The following SLC7A13 variants were observed in gnomAD, a reference collection of about 807,000 sequenced individuals.
SLC7A13 encodes solute carrier family 7 member 13, also known as X-amino acid transporter 2.
Under a neutral mutation model 32.0 loss-of-function variants are expected in SLC7A13, and 31 were observed. The ratio of observed to expected loss-of-function variants is 0.97; its 90% CI spans 0.73 to 1.31. The LOEUF (loss-of-function observed/expected upper bound fraction) is 1.31. Among genes scored for constraint, SLC7A13 ranks in the 50% most tolerant of loss-of-function variants. The probability of loss-of-function intolerance (pLI) is 0.00; values close to 1 mark genes in which losing one functional copy is unlikely to be tolerated. For synonymous variants in SLC7A13, 232 were observed against 206.9 expected (o/e 1.12, Z -1.04); for missense variants, 633 against 546.9 (o/e 1.16, Z -1.57).
rs552267697 is a variant in SLC7A13, at chr8:86,217,221, T to A, written c.1179+249A>T. ...TATCTGGTCAAAAGACTCATAATGA[T>A]CTGTCCAACCACCCAGAGAACTATT... On this transcript the variant is annotated intron_variant, in intron 3 of 3. Transcript: ENST00000297524. 1.5e-3 allele frequency among the ~76,000 whole-genome samples: 230 copies of A among 152,268 alleles called. 2 individuals carry two copies. The highest frequency in any genetic ancestry group is 5.3e-3 in the African/African-American group (219 of 41,570).
intron 3 of SLC7A13, among the ~76,000 whole-genome samples, chr8:86,217,041 A>G (rs1480378523): frequency 2.0e-5 from 3 of 152,212 alleles, no homozygotes; most frequent in Non-Finnish European, 4.4e-5. Flanking sequence ...AGTTGAAAAG[A>G]TGTAATTTGC....
intron 1 of SLC7A13, among the ~76,000 whole-genome samples, chr8:86,225,390 G>C (rs556879701): frequency 2.6e-5 from 4 of 152,208 alleles, no homozygotes; most frequent in Non-Finnish European, 4.4e-5. Context: ...TCCAATCCTA[G>C]TGTTTAGCAT....
At chr8:86,214,743 T>A in intron 3 of SLC7A13, 97 bp from the exon 4 acceptor site, 1 of 888,514 alleles carries the variant, frequency 1.1e-6, no homozygotes, top group Non-Finnish European at 1.7e-6. Context: ...ACAAGCTAAT[T>A]AAAGAAAACA....
intron 3 of SLC7A13, 44 bp from the exon 4 acceptor site, chr8:86,214,690 A>G (rs1282644483): frequency 2.9e-6 from 4 of 1,364,452 alleles, no homozygotes; most frequent in Non-Finnish European, 4.1e-6. Flanking sequence ...ATGAACATCC[A>G]TGAATGATAC....
At chr8:86,226,068 C>A (rs1820385161) in intron 1 of SLC7A13, among the ~76,000 whole-genome samples, 1 of 151,994 alleles carries the variant, frequency 6.6e-6, no homozygotes, top group Non-Finnish European at 1.5e-5. Flanking sequence ...ACTGAAATTC[C>A]TCCAACTTTT....
intron 2 of SLC7A13, 58 bp downstream of exon 2, chr8:86,222,914 A>G: frequency 6.8e-7 from 1 of 1,461,128 alleles, no homozygotes; most frequent in South Asian, 1.6e-5. Context: ...TGGTGAAATG[A>G]TAGTTACGTT....
At chr8:86,225,374 C>T (rs1395813118) in intron 1 of SLC7A13, among the ~76,000 whole-genome samples, 2 of 152,100 alleles carry the variant, frequency 1.3e-5, no homozygotes, top group African/African-American at 4.8e-5. Context: ...GTAGGGACAA[C>T]AAAATTCCAA....
In SLC7A13 at chr8:86,214,324, G is replaced by A. The variant is rs16899642; in HGVS notation, c.*89C>T. 21,817 of 731,058 alleles carry A rather than the reference G, an allele frequency of 0.03. 797 individuals are homozygous for A. Among genetic ancestry groups the A allele is most frequent in the African/African-American group, 0.14 (7,868 of 55,944 alleles). The allele number at this position is 731,058 out of a possible 1,614,324, so 45.3% of individuals were successfully genotyped here. A position where few individuals can be genotyped will look rare whatever the true frequency, so the allele number is the denominator to read the frequency against. ...ATATTTACCATAGGAATTTCACCAT[G>A]AATGTTCTATCATATGTTTAACCTT... On this transcript the variant is annotated 3_prime_UTR_variant, in exon 4 of 4. Coordinates refer to ENST00000297524, the MANE Select transcript of SLC7A13 (RefSeq NM_138817.3).
At chr8:86,227,375 TA>T (rs1396162534) in intron 1 of SLC7A13, among the ~76,000 whole-genome samples, 2 of 152,014 alleles carry the variant, frequency 1.3e-5, no homozygotes, top group East Asian at 3.8e-4. Context: ...GAAAAGTCCT[TA>T]AGGGGATGGG....
Position 86,214,636 on chromosome 8 carries a change from G to T in SLC7A13, c.1190C>A (p.Ser397Ter). The stretch of plus-strand genomic sequence containing the variant: ...GATGACTATTGTTGCTAATGGAAAT[G>T]ACAAAAACACCTGAAAAGAGCAAAG... ...NLSIPYKVFLSFPLATIVIDV... is the reference protein window; with the variant it reads ...NLSIPYKVFL Residue 397 changes from serine to a stop codon, truncating the protein, a stop_gained, in exon 4 of 4, where the codon TCA becomes TAA. Transcript: ENST00000297524. LOFTEE classifies it low-confidence loss of function (END_TRUNC). 6.2e-7 allele frequency: 1 copy of T among 1,604,618 alleles called. No homozygotes were observed. The highest frequency in any genetic ancestry group is 1.1e-5 in the South Asian group (1 of 89,802).
intron 1 of SLC7A13, among the ~76,000 whole-genome samples, chr8:86,224,695 G>A (rs1820359051): frequency 6.6e-6 from 1 of 152,144 alleles, no homozygotes; most frequent in African/African-American, 2.4e-5. Context: ...ATGGCACCCT[G>A]TGCCCTGCCC....
intron 1 of SLC7A13, among the ~76,000 whole-genome samples, chr8:86,228,477 C>T (rs940968719): frequency 6.6e-6 from 1 of 152,064 alleles, no homozygotes; most frequent in Admixed American, 6.5e-5. Context: ...TGGGCTCAAG[C>T]GATCCTCCCA....
chr8:86,229,749 T>C lies in SLC7A13; in HGVS notation c.529A>G (p.Thr177Ala). The C allele has an allele frequency of 6.2e-7, 1 of 1,614,176 alleles. No homozygotes were observed. Among genetic ancestry groups the C allele is most frequent in the South Asian group, 1.1e-5 (1 of 91,072 alleles). The change falls in exon 1 of 4, where the codon ACT becomes GCT. Residue 177 changes from threonine to alanine, a missense_variant. Coordinates refer to ENST00000297524, the MANE Select transcript of SLC7A13 (RefSeq NM_138817.3). ...CCTCTTATCAGGAACACTACTCCAGTTAGGGAAATGAAGCTAAGTATGGAC... is the reference window on the plus strand; with the variant it reads ...CCTCTTATCAGGAACACTACTCCAGCTAGGGAAATGAAGCTAAGTATGGAC... ...KVSILSFISL[T>A]GVVFLIRGKK...
In SLC7A13 at chr8:86,229,597, T is replaced by C. The variant is rs1031808832; in HGVS notation, c.681A>G (p.Ile227Met). 6.2e-7 allele frequency: 1 copy of C among 1,612,004 alleles called. No individual in the cohort carries two copies. Among genetic ancestry groups the C allele is most frequent in the African/African-American group, 1.3e-5 (1 of 74,970 alleles). Residue 227 changes from isoleucine to methionine, a missense_variant, in exon 1 of 4, where the codon ATA becomes ATG. Transcript: ENST00000297524. ...TTTTCCTCAATGGATTGTTACCTGC[T>C]ATAAGTGTAAAGCATGCCCCGCCTG... ...AYSGGACFTL[I>M]AGELKKPRTT...
At chr8:86,229,568 A>T (rs1820445764) in intron 1 of SLC7A13, 25 bp downstream of exon 1, 2 of 1,573,122 alleles carry the variant, frequency 1.3e-6, no homozygotes, top group Non-Finnish European at 8.6e-7. Flanking sequence ...ATGATTTTAG[A>T]TTTTTTTCCT....
At chr8:86,225,473 A>AT (rs1469126368) in intron 1 of SLC7A13, among the ~76,000 whole-genome samples, 1 of 152,080 alleles carries the variant, frequency 6.6e-6, no homozygotes, top group Non-Finnish European at 1.5e-5. Context: ...CAAAAGGGCA[A>AT]TTTTTTGGAT....
At position 86,223,079 on chromosome 8, in the gene SLC7A13, G is replaced by A. The variant is rs771229362; in HGVS notation, c.710C>T (p.Thr237Ile). The change falls in exon 2 of 4, where the codon ACA (threonine) becomes ATA (isoleucine). Residue 237 changes from threonine (T) to isoleucine (I), a missense_variant. By Grantham distance (89) the Thr-to-Ile change is moderately conservative. Coordinates refer to ENST00000297524, the MANE Select transcript of SLC7A13 (RefSeq NM_138817.3). The part of the protein sequence containing the change: ...IAGELKKPRT[T>I]IPKCIFTALP... ...CGCAGTAAATATGCATTTGGGAATT[G>A]TTGTTCTGGGCTTCTTCAGCTCCCC... The A allele has an allele frequency of 6.2e-7, 1 of 1,600,214 alleles. No individual in the cohort carries two copies. The highest frequency in any genetic ancestry group is 1.7e-5 in the Admixed American group (1 of 58,590).
chr8:86,216,265 G>A (rs1310223000), intron 3 of SLC7A13, among the ~76,000 whole-genome samples: 1 of 152,166 alleles, frequency 6.6e-6, no homozygotes, highest in Non-Finnish European at 1.5e-5. Context: ...GAAAGCAGAC[G>A]TTAGGCAGGC....
intron 2 of SLC7A13, among the ~76,000 whole-genome samples, chr8:86,219,758 T>G (rs1480901339): frequency 6.6e-6 from 1 of 152,198 alleles, no homozygotes; most frequent in East Asian, 1.9e-4. Flanking sequence ...TAACTGTCAT[T>G]GCGTTTATCT....
Sources: allele counts gnomAD v4.1 joint callset (sites outside exome capture counted in the v4.1 genomes callset), GRCh38; gene constraint gnomAD v4.1.1; transcripts MANE v1.5; gene names NCBI Gene and HGNC (gene_info 2026-07-23, HGNC 2026-07-21).